CFAP70: variants seen among roughly 807,000 people sequenced by gnomAD.
CFAP70 encodes the protein cilia and flagella associated protein 70, also known as cilia- and flagella-associated protein 70.
CFAP70 carries 81 observed loss-of-function variants against 137.6 expected under a neutral mutation model. The ratio of observed to expected loss-of-function variants is 0.59; its 90% CI spans 0.49 to 0.71. CFAP70 has a LOEUF of 0.71. Among genes scored for constraint, CFAP70 ranks in the 30% least tolerant of loss-of-function variants. CFAP70 has a pLI of 0.00. For synonymous variants in CFAP70, 382 were observed against 423.6 expected (o/e 0.90, Z 1.20); for missense variants, 976 against 1,226.7 (o/e 0.80, Z 3.05).
At chr10:73,323,394 C>T (rs967782857) in intron 8 of CFAP70, among the ~76,000 whole-genome samples, 3 of 151,628 alleles carry the variant, frequency 2.0e-5, no homozygotes, top group Admixed American at 6.6e-5. Context: ...CCAGCGTGAG[C>T]GACGCAGAAG....
chr10:73,323,136 C>A lies in CFAP70; in HGVS notation c.778-39G>T. On this transcript the variant is annotated intron_variant, in intron 8 of 26. Transcript: ENST00000310715. ...ACCAGAGAGTTGTTAGTGCTATAAG[C>A]AATGTAATATAAGGTATGGAGCTCT... 3 of 1,563,184 alleles carry A rather than the reference C, an allele frequency of 1.9e-6. No individual in the cohort carries two copies. In the South Asian group the frequency reaches 3.7e-5, roughly 19 times the overall value.
At chr10:73,348,834 G>A (rs1414975008) in intron 3 of CFAP70, among the ~76,000 whole-genome samples, 3 of 152,030 alleles carry the variant, frequency 2.0e-5, no homozygotes, top group African/African-American at 4.8e-5. Flanking sequence ...AGGCCAAGGC[G>A]GGCAGATCAC....
chr10:73,293,296 C>T, exon 16 of CFAP70: 1 of 1,612,442 alleles, frequency 6.2e-7, no homozygotes, highest in Non-Finnish European at 8.5e-7. Context: ...TCTCAAAGTT[C>T]TCATTGACTT....
chr10:73,267,631 A>T (rs1477511877), intron 25 of CFAP70, among the ~76,000 whole-genome samples: 1 of 152,170 alleles, frequency 6.6e-6, no homozygotes, highest in African/African-American at 2.4e-5. Flanking sequence ...TATAAGGCCT[A>T]ATTTTCTACT....
At chr10:73,307,271 T>C (rs1474621495) in intron 12 of CFAP70, among the ~76,000 whole-genome samples, 2 of 151,104 alleles carry the variant, frequency 1.3e-5, no homozygotes, top group Non-Finnish European at 3.0e-5. Context: ...CAGCTAAATA[T>C]AAAAAGGCAG....
Position 73,358,121 on chromosome 10 carries a change from G to A in CFAP70, c.-40+593C>T, listed in dbSNP as rs551638713. Among the ~76,000 whole-genome samples, 34 of 152,328 alleles carry A rather than the reference G, an allele frequency of 2.2e-4. 1 individual carries two copies. The South Asian group carries it at 2.9e-3, about 13-fold the overall frequency. ...TAAAGCTTTTTAAGTATGAAGCACTGCACAAATGGTATTATTAATATGCAG... is the reference window on the plus strand; with the variant it reads ...TAAAGCTTTTTAAGTATGAAGCACTACACAAATGGTATTATTAATATGCAG... On this transcript the variant is annotated intron_variant, in intron 1 of 26. Coordinates refer to ENST00000310715, the Ensembl canonical transcript of CFAP70.
intron 25 of CFAP70, among the ~76,000 whole-genome samples, chr10:73,259,677 A>G (rs142966102): frequency 6.6e-6 from 1 of 152,344 alleles, no homozygotes; most frequent in East Asian, 1.9e-4. Flanking sequence ...ATAGAGGATT[A>G]GCATCCAGGT....
At chr10:73,285,135 T>C (rs2047597133) in intron 19 of CFAP70, among the ~76,000 whole-genome samples, 1 of 151,986 alleles carries the variant, frequency 6.6e-6, no homozygotes, top group Non-Finnish European at 1.5e-5. Context: ...ATTAGTGATA[T>C]ATGGAAGTAG....
At chr10:73,333,126 TA>T (rs1166077905) in intron 7 of CFAP70, among the ~76,000 whole-genome samples, 12 of 152,030 alleles carry the variant, frequency 7.9e-5, no homozygotes, top group Non-Finnish European at 1.6e-4. Context: ...CAAAAATGAA[TA>T]ATTCATTTGA....
chr10:73,295,950 C>G (rs574548434), intron 15 of CFAP70: 8 of 152,306 alleles, frequency 5.3e-5, no homozygotes, highest in Non-Finnish European at 8.8e-5. Flanking sequence ...CTGCCTCCCA[C>G]CAAATTTACT....
At chr10:73,336,139 C>CA (rs61221361) in intron 6 of CFAP70, among the ~76,000 whole-genome samples, 169 of 120,082 alleles carry the variant, frequency 1.4e-3, no homozygotes, top group Middle Eastern at 4.6e-3. Flanking sequence ...GACCCTGTCT[C>CA]AAAAAAAAAA....
chr10:73,358,968 C>T (rs900599715), upstream of CFAP70: 2 of 152,184 alleles, frequency 1.3e-5, no homozygotes, highest in African/African-American at 2.4e-5. Context: ...TAGGTTTCCA[C>T]CTTTACATTT....
intron 25 of CFAP70, among the ~76,000 whole-genome samples, chr10:73,257,876 CTTTTTT>C (rs745485451): frequency 1.5e-5 from 2 of 129,934 alleles, no homozygotes; most frequent in African/African-American, 6.0e-5. Flanking sequence ...CCTTTTCCTT[CTTTTTT>C]TTTTTTTTTT....
At chr10:73,349,661 C>T (rs2054039463) in intron 3 of CFAP70, among the ~76,000 whole-genome samples, 1 of 152,084 alleles carries the variant, frequency 6.6e-6, no homozygotes, top group Admixed American at 6.6e-5. Context: ...AGAGTATGTA[C>T]AAGGTTTTTC....
At chr10:73,331,690 T>A (rs918813685) in intron 7 of CFAP70, among the ~76,000 whole-genome samples, 39 of 151,678 alleles carry the variant, frequency 2.6e-4, no homozygotes, top group East Asian at 1.9e-4. Flanking sequence ...AAAAAAAAAA[T>A]TTTTTTTCTT....
chr10:73,298,174 A>T (rs889930192), intron 14 of CFAP70, among the ~76,000 whole-genome samples: 13 of 152,264 alleles, frequency 8.5e-5, no homozygotes, highest in Non-Finnish European at 1.9e-4. Flanking sequence ...GACTTTGGAC[A>T]AATTCCTTAG....
chr10:73,255,498 G>C (rs966002654), intron 26 of CFAP70, among the ~76,000 whole-genome samples: 2 of 152,162 alleles, frequency 1.3e-5, no homozygotes, highest in Admixed American at 1.3e-4. Context: ...AGGTTGCAGT[G>C]AGCTGAGATC....
upstream of CFAP70, among the ~76,000 whole-genome samples, chr10:73,359,856 GGGA>G (rs1419000913): frequency 2.0e-5 from 3 of 151,936 alleles, no homozygotes; most frequent in East Asian, 3.8e-4. Flanking sequence ...CACCAGTGTT[GGGA>G]GGAGTCTACA....
chr10:73,323,517 C>T (rs190406121), intron 8 of CFAP70, among the ~76,000 whole-genome samples: 2,228 of 152,254 alleles, frequency 0.015, 47 homozygotes, highest in African/African-American at 0.045. Flanking sequence ...TGAAGCAGGG[C>T]GAGGCACTGC....
Sources: allele counts gnomAD v4.1 joint callset (sites outside exome capture counted in the v4.1 genomes callset), GRCh38; gene constraint gnomAD v4.1.1; transcripts MANE v1.5; gene names NCBI Gene and HGNC (gene_info 2026-07-23, HGNC 2026-07-21).